Variants in BNC2 observed in about 807,000 individuals in gnomAD.
The protein encoded by BNC2 is zinc finger protein basonuclin-2.
BNC2 carries 20 observed loss-of-function variants against 76.3 expected under a neutral mutation model. That is an observed-to-expected ratio of 0.26 (90% CI 0.18 to 0.38). The LOEUF (loss-of-function observed/expected upper bound fraction) is 0.38, where lower values mean the gene tolerates loss of function less well. BNC2 is among the 10% of genes least tolerant of loss of function. BNC2 has a pLI of 1.00. For synonymous variants in BNC2, 582 were observed against 514.8 expected (o/e 1.13, Z -1.77); for missense variants, 1,382 against 1,399.8 (o/e 0.99, Z 0.20).
intron 6 of BNC2, among the ~76,000 whole-genome samples, chr9:16,426,202 G>C (rs1820801338): frequency 6.6e-6 from 1 of 152,136 alleles, no homozygotes; most frequent in Non-Finnish European, 1.5e-5. Context: ...ATTTACACTG[G>C]ACAAATTAAC....
In BNC2 at chr9:16,436,022, G is replaced by C; in HGVS notation, c.2172C>G (p.Asn724Lys). 1.2e-6 allele frequency: 2 copies of C among 1,614,124 alleles called. No homozygotes were observed. Among genetic ancestry groups the C allele is most frequent in the South Asian group, 2.2e-5 (2 of 91,072 alleles). ...GTTTGGGCTCCGAAGACTCAGACTC[G>C]TTCTCATAGTCCCGCTCAGGTTCTT... ...EDQEPERDYE[N>K]ESESSEPKLG... Residue 724 changes from asparagine (N) to lysine (K), a missense_variant, in exon 6 of 7, where the codon AAC becomes AAG. Coordinates refer to ENST00000380672, the MANE Select transcript of BNC2 (RefSeq NM_017637.6).
chr9:16,556,164 C>T (rs1410476621), intron 4 of BNC2, among the ~76,000 whole-genome samples: 5 of 152,024 alleles, frequency 3.3e-5, no homozygotes, highest in Admixed American at 2.6e-4. Flanking sequence ...GGCAGGCATA[C>T]CTGTAGTCCC....
intron 1 of BNC2, among the ~76,000 whole-genome samples, chr9:16,839,284 G>C (rs1471023918): frequency 6.6e-6 from 1 of 152,116 alleles, no homozygotes; most frequent in Non-Finnish European, 1.5e-5. Context: ...ACTAGCACTC[G>C]TTGCTAAGGC....
chr9:16,811,140 A>G (rs984107911), intron 1 of BNC2, among the ~76,000 whole-genome samples: 2 of 147,148 alleles, frequency 1.4e-5, no homozygotes, highest in African/African-American at 2.5e-5. Context: ...GGAGAATGGC[A>G]TGAACCCGGG....
At position 16,436,546 on chromosome 9, in the gene BNC2, A is replaced by C. The variant is rs4961490; in HGVS notation, c.1648T>G (p.Leu550Val). Residue 550 changes from leucine to valine, a missense_variant, in exon 6 of 7, where the codon TTG (leucine) becomes GTG (valine). Physicochemically the swap from Leu to Val is conservative, Grantham distance 32. Around this residue, in one of 3 missense-constraint regions of BNC2, gnomAD observed 798 missense variants for 775.5 expected, o/e 1.03. Coordinates refer to ENST00000380672, the MANE Select transcript of BNC2 (RefSeq NM_017637.6). ...GFTTPPLDPV[L>V]QNPLPSQLVF... Reference sequence around the variant, plus strand: ...AGCTGGCTAGGGAGAGGATTTTGCAAGACAGGGTCTAGAGGGGGAGTGGTA... The same window carrying C: ...AGCTGGCTAGGGAGAGGATTTTGCACGACAGGGTCTAGAGGGGGAGTGGTA... 1.8e-3 allele frequency: 2,840 copies of C among 1,614,142 alleles called. 82 individuals carry two copies. In the Admixed American group the frequency reaches 0.042, roughly 24 times the overall value.
chr9:16,635,800 A>C (rs1418507584), intron 3 of BNC2, among the ~76,000 whole-genome samples: 1 of 152,242 alleles, frequency 6.6e-6, no homozygotes, highest in Non-Finnish European at 1.5e-5. Context: ...GGCCATAATC[A>C]GTTTTTAAAA....
chr9:16,555,514 C>T (rs1477569994), intron 4 of BNC2, among the ~76,000 whole-genome samples: 1 of 152,162 alleles, frequency 6.6e-6, no homozygotes, highest in Admixed American at 6.5e-5. Context: ...AGTATGAATA[C>T]AGCTGGGCAA....
intron 1 of BNC2, among the ~76,000 whole-genome samples, chr9:16,865,337 CATCTT>C (rs1386487466): frequency 6.6e-6 from 1 of 152,036 alleles, no homozygotes; most frequent in East Asian, 1.9e-4. Context: ...TCCTGATACT[CATCTT>C]ATTAGAGTTT....
intron 4 of BNC2, among the ~76,000 whole-genome samples, chr9:16,568,986 C>G (rs1056920748): frequency 2.0e-4 from 30 of 148,178 alleles, no homozygotes; most frequent in African/African-American, 7.4e-4. Flanking sequence ...TATTTAATAC[C>G]AAGGCTTGCT....
In BNC2 at chr9:16,648,251, A is replaced by G. The variant is rs113044965; in HGVS notation, c.331-65166T>C. Among the ~76,000 whole-genome samples, 782 of 152,356 alleles carry G rather than the reference A, an allele frequency of 5.1e-3. 7 individuals are homozygous for G. The highest frequency in any genetic ancestry group is 0.018 in the African/African-American group (734 of 41,580). Reference sequence around the variant, plus strand: ...AAACTGCTCCACTACTGGAATTATCATCACAGTTACTACTGCCATACACTT... The same window carrying G: ...AAACTGCTCCACTACTGGAATTATCGTCACAGTTACTACTGCCATACACTT... On this transcript the variant is annotated intron_variant, in intron 3 of 6. Coordinates refer to ENST00000380672, the MANE Select transcript of BNC2 (RefSeq NM_017637.6).
intron 3 of BNC2, among the ~76,000 whole-genome samples, chr9:16,672,650 T>C (rs1408687291): frequency 6.6e-6 from 1 of 152,206 alleles, no homozygotes; most frequent in Non-Finnish European, 1.5e-5. Context: ...TCTAAATCCA[T>C]TCTCTTTATG....
At chr9:16,845,593 G>T (rs537279743) in intron 1 of BNC2, among the ~76,000 whole-genome samples, 3 of 151,932 alleles carry the variant, frequency 2.0e-5, no homozygotes, top group South Asian at 2.1e-4. Flanking sequence ...TAGCGGCGTG[G>T]GCCTGTAGTC....
intron 4 of BNC2, among the ~76,000 whole-genome samples, chr9:16,573,129 G>A (rs1429923226): frequency 6.6e-6 from 1 of 151,332 alleles, no homozygotes; most frequent in African/African-American, 2.4e-5. Context: ...TCAGGAGGCT[G>A]AGGTGGGAGG....
rs983225625 is a variant in BNC2 at position 16,416,468 on chromosome 9, T to C, written c.*2521A>G. 6.6e-6 allele frequency: 1 copy of C among 152,654 alleles called. No individual in the cohort carries two copies. The highest frequency in any genetic ancestry group is 1.5e-5 in the Non-Finnish European group (1 of 68,034). The allele number at this position is 152,654 out of a possible 1,614,324, so 9.5% of individuals were successfully genotyped here. A position where few individuals can be genotyped will look rare whatever the true frequency, so the allele number is the denominator to read the frequency against. On this transcript the variant is annotated 3_prime_UTR_variant, in exon 7 of 7. Coordinates refer to ENST00000380672, the MANE Select transcript of BNC2 (RefSeq NM_017637.6). ...CACAAACATACTGTACAGAGTCTTA[T>C]ATGGTATAAAACAAAGGAAAACATC...
intron 3 of BNC2, among the ~76,000 whole-genome samples, chr9:16,669,682 T>G (rs574464403): frequency 1.3e-5 from 2 of 152,330 alleles, no homozygotes; most frequent in Admixed American, 1.3e-4. Context: ...GTTCCTTCCA[T>G]CTACCTGCAC....
intron 5 of BNC2, among the ~76,000 whole-genome samples, chr9:16,464,549 A>G (rs1222695116): frequency 6.7e-6 from 1 of 149,110 alleles, no homozygotes; most frequent in Non-Finnish European, 1.5e-5. Context: ...TTGCAGACTG[A>G]TAAGATTAAA....
chr9:16,804,855 AG>A, intron 1 of BNC2, among the ~76,000 whole-genome samples: 1 of 152,070 alleles, frequency 6.6e-6, no homozygotes, highest in South Asian at 2.1e-4. Flanking sequence ...CAAGGTCAGG[AG>A]TTTGAGACCA....
chr9:16,462,237 T>C (rs1821598970), intron 5 of BNC2, among the ~76,000 whole-genome samples: 1 of 152,170 alleles, frequency 6.6e-6, no homozygotes, highest in Non-Finnish European at 1.5e-5. Flanking sequence ...AGAAAAAAAT[T>C]ATTAAAGCCA....
chr9:16,493,517 A>G (rs1373156666), intron 5 of BNC2, among the ~76,000 whole-genome samples: 1 of 152,216 alleles, frequency 6.6e-6, no homozygotes, highest in East Asian at 1.9e-4. Flanking sequence ...AGGATGGATG[A>G]AATCCTGAAA....
Sources: allele counts gnomAD v4.1 joint callset (sites outside exome capture counted in the v4.1 genomes callset), GRCh38; gene constraint gnomAD v4.1.1; regional missense constraint gnomAD v4.1.1; transcripts MANE v1.5; gene names NCBI Gene and HGNC (gene_info 2026-07-23, HGNC 2026-07-21).